The following ST3GAL5 variants were observed in gnomAD, a reference collection of about 807,000 sequenced individuals.
ST3GAL5 encodes lactosylceramide alpha-2,3-sialyltransferase.
In ST3GAL5, 25 loss-of-function variants were observed where a neutral mutation model predicts 46.1. The ratio of observed to expected loss-of-function variants is 0.54; its 90% confidence interval spans 0.40 to 0.76. The LOEUF (loss-of-function observed/expected upper bound fraction) is 0.76, where lower values mean the gene tolerates loss of function less well. ST3GAL5 is among the 30% of genes least tolerant of loss of function. The pLI is 0.00. For missense variants in ST3GAL5, 431 were observed against 521.2 expected (o/e 0.83, Z 1.69); for synonymous variants, 182 against 192.7 (o/e 0.94, Z 0.46).
chr2:85,857,964 C>T (rs1441988798), intron 3 of ST3GAL5, among the ~76,000 whole-genome samples: 6 of 152,108 alleles, frequency 3.9e-5, no homozygotes. Flanking sequence ...TCCCTACTCT[C>T]AAGTAACTTA....
At chr2:85,877,635 T>A (rs946571594) in intron 1 of ST3GAL5, among the ~76,000 whole-genome samples, 1 of 152,220 alleles carries the variant, frequency 6.6e-6, no homozygotes, top group African/African-American at 2.4e-5. Flanking sequence ...TCGTAATTAA[T>A]AAGTGACTTG....
rs1348726249 is a variant in ST3GAL5 at position 85,838,774 on chromosome 2, TG to T, written c.*1369del. The T allele has an allele frequency of 1.3e-5, 2 of 152,412 alleles. No individual in the cohort carries two copies. Among genetic ancestry groups the T allele is most frequent in the East Asian group, 3.8e-4 (2 of 5,198 alleles). 9.4% of individuals were successfully genotyped at this position (152,412 alleles called of 1,614,324 possible). A position where few individuals can be genotyped will look rare whatever the true frequency, so the allele number is the denominator to read the frequency against. ...GCTGCACTGGGGCTGCACAAGCAGT[TG>T]CAGGAAGGGAAAGTGGAGGCAGGTA... is the stretch of plus-strand genomic sequence containing the variant. On this transcript the variant is annotated 3_prime_UTR_variant, in exon 7 of 7. Transcript: ENST00000638572.
In ST3GAL5 at chr2:85,844,925, CACTT is replaced by C. The variant is rs528058016; in HGVS notation, c.850-375_850-372del. The C allele has an allele frequency of 3.4e-3, 1,125 of 330,612 alleles. 3 individuals carry two copies. Among genetic ancestry groups the C allele is most frequent in the Non-Finnish European group, 3.9e-3 (670 of 170,820 alleles). The allele number at this position is 330,612 out of a possible 1,614,324, so 20.5% of individuals were successfully genotyped here. ...ACTGCCCTCACCTCGCATCCTCTCT[CACTT>C]ACTCTATTTCCTAGTCCCATGAAGT... On this transcript the variant is annotated intron_variant, in intron 5 of 6. Coordinates refer to ENST00000638572, the MANE Select transcript of ST3GAL5 (RefSeq NM_003896.4).
At chr2:85,855,638 C>CCTTTA (rs1381088817) in intron 3 of ST3GAL5, 1 of 151,986 alleles carries the variant, frequency 6.6e-6, no homozygotes, top group Non-Finnish European at 1.5e-5. Flanking sequence ...AAAAATGATA[C>CCTTTA]CCTAAAGAAA....
chr2:85,869,788 T>C (rs1685709842), intron 1 of ST3GAL5, among the ~76,000 whole-genome samples: 1 of 152,172 alleles, frequency 6.6e-6, no homozygotes, highest in Non-Finnish European at 1.5e-5. Context: ...TCCAAAGAGA[T>C]GGTGAGTGAA....
At position 85,861,187 on chromosome 2, in the gene ST3GAL5, A is replaced by C. The variant is rs369151931; in HGVS notation, c.312T>G (p.His104Gln). 1 of 1,596,626 alleles carries C rather than the reference A, an allele frequency of 6.3e-7. No homozygotes were observed. Among genetic ancestry groups the C allele is most frequent in the African/African-American group, 1.3e-5 (1 of 74,662 alleles). Reference protein sequence around the residue: ...MKKMHYVDPDHVKRAQKYAQQ... With the variant: ...MKKMHYVDPDQVKRAQKYAQQ... ...CACCAATGGGATATCTAACCTTTAC[A>C]TGGTCAGGGTCCACATAATGCATTT... Residue 104 changes from histidine (H) to glutamine (Q), a missense_variant, in exon 3 of 7, where the codon CAT becomes CAG. Transcript: ENST00000638572.
At chr2:85,884,311 G>A (rs1485544885) in intron 1 of ST3GAL5, among the ~76,000 whole-genome samples, 1 of 152,186 alleles carries the variant, frequency 6.6e-6, no homozygotes, top group Non-Finnish European at 1.5e-5. Flanking sequence ...GGGGCAGGGA[G>A]TGAATTTACT....
chr2:85,852,181 C>T (rs1452473391), intron 3 of ST3GAL5, among the ~76,000 whole-genome samples: 1 of 152,150 alleles, frequency 6.6e-6, no homozygotes, highest in Non-Finnish European at 1.5e-5. Context: ...TTTTAAAAAT[C>T]CGGAACAGGG....
At chr2:85,841,702 C>T (rs1243910735) in intron 6 of ST3GAL5, among the ~76,000 whole-genome samples, 3 of 152,206 alleles carry the variant, frequency 2.0e-5, no homozygotes, top group African/African-American at 7.2e-5. Context: ...ATCCTACTGA[C>T]CTTGGCCTAG....
chr2:85,874,442 T>C (rs1193650114), intron 1 of ST3GAL5, among the ~76,000 whole-genome samples: 1 of 152,094 alleles, frequency 6.6e-6, no homozygotes, highest in African/African-American at 2.4e-5. Flanking sequence ...TCACTCCATG[T>C]CAACCAAGGG....
intron 3 of ST3GAL5, chr2:85,860,840 A>C (rs1449686051): frequency 3.4e-6 from 1 of 295,362 alleles, no homozygotes; most frequent in Non-Finnish European, 6.5e-6. Context: ...CTCAAAAAAA[A>C]AAAAAGGGAG....
intron 3 of ST3GAL5, chr2:85,849,905 G>C (rs1683290414): frequency 6.7e-6 from 1 of 149,704 alleles, no homozygotes; most frequent in African/African-American, 2.5e-5. Flanking sequence ...TATATTTACT[G>C]GGATATTTAT....
At chr2:85,853,039 G>C (rs1683706606) in intron 3 of ST3GAL5, 2 of 1,304,148 alleles carry the variant, frequency 1.5e-6, no homozygotes, top group Non-Finnish European at 2.0e-6. Context: ...AAGCGGCTGA[G>C]TCCATCTGGC....
At chr2:85,868,254 T>A in intron 1 of ST3GAL5, among the ~76,000 whole-genome samples, 1 of 152,258 alleles carries the variant, frequency 6.6e-6, no homozygotes. Context: ...AGGGGCATGC[T>A]TTGTTAATTG....
intron 6 of ST3GAL5, 38 bp from the exon 7 acceptor site, chr2:85,840,430 A>G: frequency 6.2e-7 from 1 of 1,609,924 alleles, no homozygotes; most frequent in Non-Finnish European, 8.5e-7. Flanking sequence ...GTAAAAAAAA[A>G]TTTTGGCACA....
Position 85,888,805 on chromosome 2 carries a change from A to AG in ST3GAL5, c.82+18dup. 1 of 1,204,722 alleles carries AG rather than the reference A, an allele frequency of 8.3e-7. No homozygotes were observed. The highest frequency in any genetic ancestry group is 1.0e-6 in the Non-Finnish European group (1 of 971,974). 74.6% of individuals were successfully genotyped at this position (1,204,722 alleles called of 1,614,324 possible). ...CCCGCGGGCCCCCGCGACGCCGAGG[A>AG]GGGGGCTGCGCCACGTACCTCGGCC... is the stretch of plus-strand genomic sequence containing the variant. On this transcript the variant is annotated intron_variant, in intron 1 of 6. Coordinates refer to ENST00000638572, the MANE Select transcript of ST3GAL5 (RefSeq NM_003896.4).
chr2:85,864,273 G>A (rs78208676), intron 1 of ST3GAL5, among the ~76,000 whole-genome samples: 1 of 152,044 alleles, frequency 6.6e-6, no homozygotes, highest in Admixed American at 6.6e-5. Flanking sequence ...TTTTACAACC[G>A]CATGTGAATA....
chr2:85,848,346 A>G (rs1229550504), intron 3 of ST3GAL5, 142 bp from the exon 4 acceptor site: 2 of 1,577,752 alleles, frequency 1.3e-6, no homozygotes, highest in Non-Finnish European at 1.7e-6. Context: ...TTTGCTTTTT[A>G]GAGTTAAGTT....
chr2:85,872,349 G>A (rs912927068), intron 1 of ST3GAL5, among the ~76,000 whole-genome samples: 4 of 152,158 alleles, frequency 2.6e-5, no homozygotes, highest in East Asian at 3.9e-4. Flanking sequence ...TCCACGAGGC[G>A]AGGCAGGCGG....
Sources: allele counts gnomAD v4.1 joint callset (sites outside exome capture counted in the v4.1 genomes callset), GRCh38; gene constraint gnomAD v4.1.1; transcripts MANE v1.5; gene names NCBI Gene and HGNC (gene_info 2026-07-23, HGNC 2026-07-21).